WWP2: variants seen among roughly 807,000 people sequenced by gnomAD.
The protein encoded by WWP2 is WW domain containing E3 ubiquitin protein ligase 2, also known as NEDD4-like E3 ubiquitin-protein ligase WWP2.
A neutral mutation model predicts 121.0 loss-of-function variants in WWP2; 57 were observed. That is an observed-to-expected ratio of 0.47 (90% confidence interval 0.38 to 0.59). WWP2 has a LOEUF of 0.59. Ranked by LOEUF, WWP2 falls within the 20% of genes least tolerant of loss-of-function variation. WWP2 has a pLI of 0.00. For synonymous variants in WWP2, 449 were observed against 441.3 expected, an observed-to-expected ratio of 1.02 and a Z score of -0.22; for missense variants, 962 against 1,158.9, an observed-to-expected ratio of 0.83 and a Z score of 2.47.
At chr16:69,863,038 T>G (rs1294363170) in intron 6 of WWP2, among the ~76,000 whole-genome samples, 1 of 152,168 alleles carries the variant, frequency 6.6e-6, no homozygotes, top group Non-Finnish European at 1.5e-5. Context: ...AGCCATGAAT[T>G]CTCGGCATTT....
intron 9 of WWP2, among the ~76,000 whole-genome samples, chr16:69,915,009 G>A (rs566543964): frequency 6.6e-6 from 1 of 152,304 alleles, no homozygotes; most frequent in East Asian, 1.9e-4. Flanking sequence ...CCCAGGAGGA[G>A]GAGAAGGGAA....
chr16:69,886,281 A>G (rs1015075468), intron 7 of WWP2, among the ~76,000 whole-genome samples: 22 of 152,144 alleles, frequency 1.4e-4, no homozygotes, highest in Non-Finnish European at 2.8e-4. Context: ...AGTCCTCGCT[A>G]GGTTGCCCAG....
At chr16:69,789,130 T>C (rs1478701217) in intron 2 of WWP2, among the ~76,000 whole-genome samples, 2 of 152,198 alleles carry the variant, frequency 1.3e-5, no homozygotes, top group Non-Finnish European at 2.9e-5. Context: ...CTGTCTCGGC[T>C]CACTGCAATT....
chr16:69,806,633 T>C (rs2056280749), intron 4 of WWP2, among the ~76,000 whole-genome samples: 1 of 152,210 alleles, frequency 6.6e-6, no homozygotes, highest in Non-Finnish European at 1.5e-5. Flanking sequence ...CTTGACTCAA[T>C]TTTGTTAACT....
intron 1 of WWP2, among the ~76,000 whole-genome samples, chr16:69,763,006 A>C (rs2038649628): frequency 6.6e-6 from 1 of 152,090 alleles, no homozygotes; most frequent in African/African-American, 2.4e-5. Flanking sequence ...CTAGCCCTTC[A>C]GCTCATTTTT....
Position 69,935,798 on chromosome 16 carries a change from T to C in WWP2, c.1843-55T>C. On this transcript the variant is annotated intron_variant, in intron 17 of 23. Transcript: ENST00000359154. The surrounding 1 kb of genome is among the most constrained non-coding windows in gnomAD (Gnocchi z 5.2). The stretch of plus-strand genomic sequence containing the variant: ...TTGATACCGAGCATCTGAGAGCTGG[T>C]CTTGGCAGTGCCCAGGGAAGGCCAA... The C allele has an allele frequency of 6.4e-7, 1 of 1,566,164 alleles. No individual in the cohort carries two copies.
chr16:69,821,592 TC>T (rs1258888563), intron 4 of WWP2, among the ~76,000 whole-genome samples: 1 of 152,222 alleles, frequency 6.6e-6, no homozygotes, highest in Non-Finnish European at 1.5e-5. Flanking sequence ...AAAGGGTGAT[TC>T]TGCTCCAAAT....
intron 6 of WWP2, 104 bp downstream of exon 6, chr16:69,842,224 G>T: frequency 9.1e-7 from 1 of 1,097,986 alleles, no homozygotes. Context: ...AACTGTTGGA[G>T]ATTTCCAGAG....
chr16:69,784,326 C>T (rs2055736169), intron 1 of WWP2, among the ~76,000 whole-genome samples: 1 of 152,074 alleles, frequency 6.6e-6, no homozygotes, highest in Non-Finnish European at 1.5e-5. Context: ...TCTCGAACTC[C>T]TGACCTCAGG....
In WWP2 at chr16:69,892,316, T is replaced by C. The variant is rs369943943; in HGVS notation, c.914+4067T>C. ...ATCAACCTGTCATCTACATTAGGTATTTCTCCTAATGCTATCCCTCCCCTA... is the reference window on the plus strand; with the variant it reads ...ATCAACCTGTCATCTACATTAGGTACTTCTCCTAATGCTATCCCTCCCCTA... On this transcript the variant is annotated intron_variant, in intron 8 of 23. Coordinates refer to ENST00000359154, the MANE Select transcript of WWP2 (RefSeq NM_001270454.2). Among the ~76,000 whole-genome samples the C allele has an allele frequency of 1.1e-4, 17 of 152,188 alleles. 2 individuals carry two copies. The highest frequency in any genetic ancestry group is 3.9e-4 in the East Asian group (2 of 5,178).
At chr16:69,874,400 C>T (rs2057698551) in intron 7 of WWP2, among the ~76,000 whole-genome samples, 1 of 152,190 alleles carries the variant, frequency 6.6e-6, no homozygotes, top group Admixed American at 6.5e-5. Context: ...TGGTGGGGAG[C>T]TCTGCCTCCT....
intron 8 of WWP2, among the ~76,000 whole-genome samples, chr16:69,901,015 C>T (rs188673158): frequency 4.1e-4 from 63 of 152,190 alleles, no homozygotes; most frequent in African/African-American, 1.3e-3. Context: ...AAGGGTCCTT[C>T]GGGGAAGGAC....
chr16:69,888,054 C>A lies in WWP2; in HGVS notation c.719C>A (p.Thr240Lys), dbSNP rs1269334349. ...LANGTVNDEP[T>K]TATDPEEPSV... ...GCATCTTCAGTGAATGATGAACCCA[C>A]AACAGCCACTGATCCCGAAGAACCT... The change falls in exon 8 of 24, where the codon ACA (threonine) becomes AAA (lysine). Residue 240 changes from threonine (T) to lysine (K), a missense_variant. By Grantham distance (78) the Thr-to-Lys change is moderately conservative. This residue lies in a region of WWP2 where 211 missense variants were observed against 196.5 expected (regional missense o/e 1.07). Transcript: ENST00000359154. 12 of 1,614,218 alleles carry A rather than the reference C, an allele frequency of 7.4e-6. No homozygotes were observed. Among genetic ancestry groups the A allele is most frequent in the Non-Finnish European group, 1.0e-5 (12 of 1,180,042 alleles).
chr16:69,803,293 G>T (rs372297418), intron 4 of WWP2, among the ~76,000 whole-genome samples: 20 of 151,240 alleles, frequency 1.3e-4, no homozygotes, highest in African/African-American at 4.6e-4. Context: ...CATGCATCTT[G>T]TTAAAACAGG....
chr16:69,792,092 A>C (rs988943321), intron 2 of WWP2, among the ~76,000 whole-genome samples: 7 of 152,202 alleles, frequency 4.6e-5, no homozygotes, highest in African/African-American at 7.2e-5. Context: ...CGTGCATTTC[A>C]TGAAGAAAGC....
chr16:69,841,495 A>T (rs940065444), intron 5 of WWP2, among the ~76,000 whole-genome samples: 1 of 152,012 alleles, frequency 6.6e-6, no homozygotes, highest in Non-Finnish European at 1.5e-5. Flanking sequence ...AGAATGGAGG[A>T]GGTGAGATCA....
chr16:69,875,212 G>A (rs11075744), intron 7 of WWP2, among the ~76,000 whole-genome samples: 89,995 of 152,062 alleles, frequency 0.59, 27,119 homozygotes, highest in East Asian at 0.9. Context: ...ACTATACTAT[G>A]GTCCATAAAA....
chr16:69,826,959 G>T (rs868387847), intron 4 of WWP2, among the ~76,000 whole-genome samples: 12 of 131,220 alleles, frequency 9.1e-5, no homozygotes, highest in East Asian at 2.3e-4. Context: ...AAAAAAGGGG[G>T]GGGGGCGGAG....
intron 1 of WWP2, among the ~76,000 whole-genome samples, chr16:69,762,846 C>A (rs1039367611): frequency 6.6e-6 from 1 of 152,150 alleles, no homozygotes; most frequent in Non-Finnish European, 1.5e-5. Flanking sequence ...TCTCTCCCTT[C>A]CTTCCTGTTT....
Sources: allele counts gnomAD v4.1 joint callset (sites outside exome capture counted in the v4.1 genomes callset), GRCh38; gene constraint gnomAD v4.1.1; regional missense constraint gnomAD v4.1.1; non-coding constraint Gnocchi (gnomAD v3.1); transcripts MANE v1.5; gene names NCBI Gene and HGNC (gene_info 2026-07-23, HGNC 2026-07-21).